Variants in SLC24A2 observed in about 807,000 individuals in gnomAD.
SLC24A2 encodes sodium/potassium/calcium exchanger 2.
In SLC24A2, 36 loss-of-function variants were observed where a neutral mutation model predicts 62.0. That is an observed-to-expected ratio of 0.58 (90% CI 0.44 to 0.77). The LOEUF (loss-of-function observed/expected upper bound fraction) is 0.77, where lower values mean the gene tolerates loss of function less well. Ranked by LOEUF, SLC24A2 falls within the 30% of genes least tolerant of loss-of-function variation. The pLI is 0.00. For synonymous variants in SLC24A2, 358 were observed against 294.0 expected, an observed-to-expected ratio of 1.22 and a Z score of -2.23; for missense variants, 846 against 817.9, an observed-to-expected ratio of 1.03 and a Z score of -0.42.
At chr9:19,895,585 A>C in the SLC24A2 span, among the ~76,000 whole-genome samples, 1 of 120,696 alleles carries the variant, frequency 8.3e-6, no homozygotes, top group East Asian at 2.2e-4. Flanking sequence ...GAAACACTTT[A>C]TTATAACTTT....
the SLC24A2 span, among the ~76,000 whole-genome samples, chr9:20,101,853 G>A: frequency 1.3e-5 from 2 of 152,180 alleles, no homozygotes; most frequent in East Asian, 3.8e-4. Context: ...AATGGAAACT[G>A]TGCCCTTACC....
At chr9:19,833,046 A>G in the SLC24A2 span, among the ~76,000 whole-genome samples, 3 of 152,198 alleles carry the variant, frequency 2.0e-5, no homozygotes, top group Non-Finnish European at 2.9e-5. Context: ...ATGAGATACC[A>G]TCTCACACCA....
the SLC24A2 span, among the ~76,000 whole-genome samples, chr9:20,264,551 A>G: frequency 6.6e-5 from 10 of 152,218 alleles, no homozygotes; most frequent in African/African-American, 1.7e-4. Flanking sequence ...CACAATTGGC[A>G]TTCAATTCTG....
At chr9:19,552,762 C>G (rs541333662) in intron 7 of SLC24A2, among the ~76,000 whole-genome samples, 1 of 152,330 alleles carries the variant, frequency 6.6e-6, no homozygotes, top group East Asian at 1.9e-4. Context: ...TCATCAATAA[C>G]CCTTCTGCTT....
intron 4 of SLC24A2, among the ~76,000 whole-genome samples, chr9:19,604,048 ATT>A (rs1301601146): frequency 6.6e-6 from 1 of 152,202 alleles, no homozygotes; most frequent in South Asian, 2.1e-4. Flanking sequence ...CATTTTGTTA[ATT>A]TCAGCACCCA....
the SLC24A2 span, among the ~76,000 whole-genome samples, chr9:19,912,422 T>G: frequency 1.3e-5 from 2 of 152,172 alleles, no homozygotes; most frequent in Admixed American, 6.5e-5. Context: ...AGGTATAGGT[T>G]GGAAATCATC....
At chr9:19,826,818 A>T in the SLC24A2 span, among the ~76,000 whole-genome samples, 1 of 152,180 alleles carries the variant, frequency 6.6e-6, no homozygotes, top group Non-Finnish European at 1.5e-5. Flanking sequence ...CAAACACTCA[A>T]ACCATAGCAA....
At chr9:20,157,625 AT>A in the SLC24A2 span, among the ~76,000 whole-genome samples, 1 of 151,698 alleles carries the variant, frequency 6.6e-6, no homozygotes, top group African/African-American at 2.4e-5. Context: ...ATACAGACAA[AT>A]ACAGAAAAAC....
the SLC24A2 span, among the ~76,000 whole-genome samples, chr9:20,125,750 T>C: frequency 6.6e-6 from 1 of 152,196 alleles, no homozygotes; most frequent in Non-Finnish European, 1.5e-5. Flanking sequence ...AAGTTCTGAC[T>C]GTGGAAATTG....
intron 2 of SLC24A2, among the ~76,000 whole-genome samples, chr9:19,768,410 G>C (rs756042838): frequency 5.3e-5 from 8 of 151,992 alleles, no homozygotes; most frequent in Admixed American, 1.3e-4. Flanking sequence ...CATCCTACTT[G>C]GTCACCAGTT....
the SLC24A2 span, among the ~76,000 whole-genome samples, chr9:19,988,706 C>T: frequency 6.6e-6 from 1 of 152,164 alleles, no homozygotes. Flanking sequence ...AGAGGTGGTT[C>T]TGCTTTTGTG....
At chr9:19,847,785 C>G in the SLC24A2 span, among the ~76,000 whole-genome samples, 3 of 152,130 alleles carry the variant, frequency 2.0e-5, no homozygotes, top group African/African-American at 7.2e-5. Context: ...GTTTACCATC[C>G]TAATCCTTGT....
chr9:20,020,089 G>T, the SLC24A2 span, among the ~76,000 whole-genome samples: 1 of 152,188 alleles, frequency 6.6e-6, no homozygotes, highest in Non-Finnish European at 1.5e-5. Flanking sequence ...TGGAGAGGAT[G>T]TGGACAAATA....
chr9:19,801,257 T>C, the SLC24A2 span, among the ~76,000 whole-genome samples: 1 of 152,206 alleles, frequency 6.6e-6, no homozygotes, highest in Admixed American at 6.5e-5. Context: ...ACCCAGTGAC[T>C]AGTGTTCAGC....
chr9:19,978,177 G>C, the SLC24A2 span, among the ~76,000 whole-genome samples: 1 of 152,094 alleles, frequency 6.6e-6, no homozygotes, highest in Admixed American at 6.6e-5. Context: ...TTACAAAATA[G>C]CCATTTACAA....
chr9:19,956,779 A>G, the SLC24A2 span, among the ~76,000 whole-genome samples: 1 of 152,168 alleles, frequency 6.6e-6, no homozygotes, highest in Non-Finnish European at 1.5e-5. Context: ...ACAATTAGAG[A>G]TGAGATTTGG....
At chr9:19,602,406 T>C (rs1044950494) in intron 4 of SLC24A2, among the ~76,000 whole-genome samples, 1 of 152,180 alleles carries the variant, frequency 6.6e-6, no homozygotes, top group African/African-American at 2.4e-5. Context: ...AAGTTTATAT[T>C]GGAGAAGAAG....
the SLC24A2 span, among the ~76,000 whole-genome samples, chr9:19,942,509 G>A: frequency 6.6e-6 from 1 of 152,166 alleles, no homozygotes; most frequent in African/African-American, 2.4e-5. Context: ...AATCCAGGTG[G>A]TGGGTACATT....
the SLC24A2 span, among the ~76,000 whole-genome samples, chr9:20,111,632 C>G: frequency 6.6e-6 from 1 of 152,092 alleles, no homozygotes; most frequent in East Asian, 1.9e-4. Flanking sequence ...TCCTGGGCCC[C>G]TCCTAGACCT....
Sources: allele counts gnomAD v4.1 joint callset (sites outside exome capture counted in the v4.1 genomes callset), GRCh38; gene constraint gnomAD v4.1.1; transcripts MANE v1.5; gene names NCBI Gene and HGNC (gene_info 2026-07-23, HGNC 2026-07-21).